PMEPA1: variants seen among roughly 807,000 people sequenced by gnomAD.
PMEPA1 encodes prostate transmembrane protein, androgen induced 1.
Under a neutral mutation model 23.0 loss-of-function variants are expected in PMEPA1, and 11 were observed. That is an observed-to-expected ratio of 0.48 (90% CI 0.30 to 0.79). The LOEUF (loss-of-function observed/expected upper bound fraction) is 0.79. PMEPA1 is among the 30% of genes least tolerant of loss of function. The pLI, the probability that PMEPA1 is intolerant of heterozygous loss-of-function variation, is 0.06. For missense variants in PMEPA1, 377 were observed against 390.9 expected (o/e 0.96, Z 0.30); for synonymous variants, 204 against 166.4 (o/e 1.23, Z -1.74).
At chr20:57,710,475 G>A (rs2072163021), upstream of PMEPA1, 2 of 1,607,770 alleles carry the variant, frequency 1.2e-6, no homozygotes, top group Non-Finnish European at 1.7e-6. Flanking sequence ...GCCTGGTTTC[G>A]CAGGAGACTG....
upstream of PMEPA1, chr20:57,710,598 C>T: frequency 1.2e-6 from 1 of 866,788 alleles, no homozygotes. Context: ...GTAGACACGC[C>T]CGGAAGCCCT....
chr20:57,692,782 G>A (rs1568681763), intron 1 of PMEPA1, among the ~76,000 whole-genome samples: 1 of 152,218 alleles, frequency 6.6e-6, no homozygotes, highest in Admixed American at 6.5e-5. Flanking sequence ...AAAAGGCAGA[G>A]ATCCAGGCCA....
intron 1 of PMEPA1, among the ~76,000 whole-genome samples, chr20:57,680,024 G>A (rs989301444): frequency 2.9e-4 from 44 of 152,200 alleles, no homozygotes; most frequent in African/African-American, 9.4e-4. Flanking sequence ...GGTCACAATG[G>A]CTGTGACCTT....
chr20:57,660,014 T>C (rs1244868130), intron 1 of PMEPA1, among the ~76,000 whole-genome samples: 2 of 152,156 alleles, frequency 1.3e-5, no homozygotes, highest in Non-Finnish European at 2.9e-5. Context: ...AAGGCCCTGC[T>C]CTCTGCTCTC....
Position 57,653,026 on chromosome 20 carries a change from G to GA in PMEPA1, c.318+6_318+7insT. 6.3e-7 allele frequency: 1 copy of GA among 1,593,308 alleles called. No individual in the cohort carries two copies. Among genetic ancestry groups the GA allele is most frequent in the Non-Finnish European group, 8.6e-7 (1 of 1,169,490 alleles). On this transcript the variant is annotated splice_region_variant and intron_variant, in intron 3 of 3. Coordinates refer to ENST00000341744, the MANE Select transcript of PMEPA1 (RefSeq NM_020182.5). ...GGTGTTGGAGGGGAGGCCGAGGGAGGTCTCACCTCTGGGATTCCGTTGCCT... is the reference window on the plus strand; with the variant it reads ...GGTGTTGGAGGGGAGGCCGAGGGAGGATCTCACCTCTGGGATTCCGTTGCCT...
At position 57,650,637 on chromosome 20, in the gene PMEPA1, G is replaced by C. The variant is rs2071212619; in HGVS notation, c.*1416C>G. On this transcript the variant is annotated 3_prime_UTR_variant, in exon 4 of 4. Transcript: ENST00000341744. ...GTTGTTTCCGCGGGGAAAGGAGATG[G>C]AAAGGGGAAGAGAAGGTGAAGAATT... The C allele has an allele frequency of 6.6e-6, 1 of 152,320 alleles. No individual in the cohort carries two copies. Among genetic ancestry groups the C allele is most frequent in the South Asian group, 2.1e-4 (1 of 4,836 alleles). The allele number at this position is 152,320 out of a possible 1,614,324, so 9.4% of individuals were successfully genotyped here.
intron 1 of PMEPA1, chr20:57,691,667 G>T (rs1437562739): frequency 6.6e-6 from 1 of 152,200 alleles, no homozygotes; most frequent in Non-Finnish European, 1.5e-5. Flanking sequence ...GCAGAGGTGG[G>T]AATAGGACAG....
In PMEPA1 at chr20:57,683,140, G is replaced by A. The variant is rs1485795989; in HGVS notation, c.110-23443C>T. Among the ~76,000 whole-genome samples the A allele has an allele frequency of 1.3e-5, 2 of 152,204 alleles. No individual in the cohort carries two copies. The highest frequency in any genetic ancestry group is 1.5e-5 in the Non-Finnish European group (1 of 68,048). ...CCCTGAGCAGGTAGAGGCTGCTCAC[G>A]TTAGAGGGCACGGATATCCCCCACT... On this transcript the variant is annotated intron_variant, in intron 1 of 3. Transcript: ENST00000341744. The surrounding 1 kb of genome is among the most constrained non-coding windows in gnomAD (Gnocchi z 4.3).
chr20:57,670,444 C>G lies in PMEPA1; in HGVS notation c.110-10747G>C, dbSNP rs57483895. On this transcript the variant is annotated intron_variant, in intron 1 of 3. Coordinates refer to ENST00000341744, the MANE Select transcript of PMEPA1 (RefSeq NM_020182.5). ...AGAGACCACTTCCACCTTTTCTTCA[C>G]CTGGCTGACTCACCACAATCTTTCC... is the stretch of plus-strand genomic sequence containing the variant. Among the ~76,000 whole-genome samples the G allele has an allele frequency of 2.0e-3, 309 of 152,324 alleles. 1 individual carries two copies. The highest frequency in any genetic ancestry group is 6.9e-3 in the African/African-American group (286 of 41,562).
chr20:57,664,747 T>C (rs1303223987), intron 1 of PMEPA1, among the ~76,000 whole-genome samples: 1 of 152,188 alleles, frequency 6.6e-6, no homozygotes, highest in Non-Finnish European at 1.5e-5. Context: ...CAGAGGACCC[T>C]GGAGCCGGCT....
chr20:57,709,740 G>A lies in PMEPA1; in HGVS notation c.-158C>T, dbSNP rs950482753. On this transcript the variant is annotated 5_prime_UTR_variant, in exon 1 of 4. Coordinates refer to ENST00000341744, the MANE Select transcript of PMEPA1 (RefSeq NM_020182.5). Reference sequence around the variant, plus strand: ...CTCGGGTCGCCGCCAAGTTCCCGGGGCGCCGCGGGGCTCAGTGCGCGGGAC... The same window carrying A: ...CTCGGGTCGCCGCCAAGTTCCCGGGACGCCGCGGGGCTCAGTGCGCGGGAC... 6 of 979,680 alleles carry A rather than the reference G, an allele frequency of 6.1e-6. No homozygotes were observed. The highest frequency in any genetic ancestry group is 5.3e-5 in the African/African-American group (3 of 56,488). 60.7% of individuals were successfully genotyped at this position (979,680 alleles called of 1,614,324 possible). A position where few individuals can be genotyped will look rare whatever the true frequency, so the allele number is the denominator to read the frequency against.
Position 57,683,574 on chromosome 20 carries a change from T to C in PMEPA1, c.110-23877A>G, listed in dbSNP as rs1480274166. On this transcript the variant is annotated intron_variant, in intron 1 of 3. Transcript: ENST00000341744. This position sits in a 1 kb window ranked among gnomAD's most constrained non-coding sequence, Gnocchi z 4.3. ...GTGTGCGTGTGTGTGTGTGTGTGTG[T>C]GTGTGTGTGTTTCTTTTAAAAGTCT... Among the ~76,000 whole-genome samples the C allele has an allele frequency of 1.3e-5, 2 of 152,164 alleles. No homozygotes were observed. Among genetic ancestry groups the C allele is most frequent in the South Asian group, 4.2e-4 (2 of 4,814 alleles).
chr20:57,708,927 C>T (rs915816641), intron 1 of PMEPA1, among the ~76,000 whole-genome samples: 1 of 152,064 alleles, frequency 6.6e-6, no homozygotes, highest in Admixed American at 6.5e-5. Context: ...CCCCCAGACA[C>T]CCCGAGAGAC....
At chr20:57,703,142 T>G (rs1301182531) in intron 1 of PMEPA1, among the ~76,000 whole-genome samples, 1 of 152,208 alleles carries the variant, frequency 6.6e-6, no homozygotes, top group Non-Finnish European at 1.5e-5. Flanking sequence ...CTGTCACAGC[T>G]TCACAGAGGG....
chr20:57,660,266 G>A (rs939852045), intron 1 of PMEPA1, among the ~76,000 whole-genome samples: 2 of 151,964 alleles, frequency 1.3e-5, no homozygotes, highest in African/African-American at 2.4e-5. Flanking sequence ...ACATGTGAAC[G>A]TGTGTACACA....
chr20:57,659,700 G>A lies in PMEPA1; in HGVS notation c.110-3C>T. 4 of 1,567,258 alleles carry A rather than the reference G, an allele frequency of 2.6e-6. No homozygotes were observed. Among genetic ancestry groups the A allele is most frequent in the African/African-American group, 1.4e-5 (1 of 73,766 alleles). On this transcript the variant is annotated splice_region_variant and splice_polypyrimidine_tract_variant and intron_variant, in intron 1 of 3. Transcript: ENST00000341744. The stretch of plus-strand genomic sequence containing the variant: ...GATCTGAACAAACTCCAGCTCCGCT[G>A]TGGAGACAAAGAGGGACACGTGAGA...
chr20:57,690,666 G>A, intron 1 of PMEPA1: 1 of 944,648 alleles, frequency 1.1e-6, no homozygotes, highest in South Asian at 1.7e-5. Flanking sequence ...CTTGGGCTCT[G>A]TCCTGGGAAA....
chr20:57,656,634 C>T lies in PMEPA1; in HGVS notation c.264+2909G>A, dbSNP rs1037835120. On this transcript the variant is annotated intron_variant, in intron 2 of 3. Coordinates refer to ENST00000341744, the MANE Select transcript of PMEPA1 (RefSeq NM_020182.5). This position sits in a 1 kb window ranked among gnomAD's most constrained non-coding sequence, Gnocchi z 4.7. ...GGGGCTTGCCTGCACTGGAGCCTCA[C>T]CCTCAGAGGGCAGATCCTTGCCCAG... Among the ~76,000 whole-genome samples, 3 of 152,160 alleles carry T rather than the reference C, an allele frequency of 2.0e-5. No individual in the cohort carries two copies. The highest frequency in any genetic ancestry group is 7.2e-5 in the African/African-American group (3 of 41,444).
chr20:57,676,202 C>T (rs933496107), intron 1 of PMEPA1, among the ~76,000 whole-genome samples: 15 of 152,230 alleles, frequency 9.9e-5, no homozygotes, highest in African/African-American at 2.4e-5. Context: ...CAGATGCAGC[C>T]ACCTGCTGTA....
Sources: allele counts gnomAD v4.1 joint callset (sites outside exome capture counted in the v4.1 genomes callset), GRCh38; gene constraint gnomAD v4.1.1; non-coding constraint Gnocchi (gnomAD v3.1); transcripts MANE v1.5; gene names NCBI Gene and HGNC (gene_info 2026-07-23, HGNC 2026-07-21).